Variants in IL13RA1 observed in about 807,000 individuals in gnomAD.
IL13RA1 encodes interleukin-13 receptor subunit alpha-1.
Under a neutral mutation model 33.8 loss-of-function variants are expected in IL13RA1, and 14 were observed. The ratio of observed to expected loss-of-function variants is 0.41; its 90% CI spans 0.27 to 0.65. IL13RA1 has a LOEUF of 0.65. Ranked by LOEUF, IL13RA1 falls within the 30% of genes least tolerant of loss-of-function variation. IL13RA1 has a pLI of 0.28. For synonymous variants in IL13RA1, 116 were observed against 115.7 expected (o/e 1.00, Z -0.02); for missense variants, 313 against 327.0 (o/e 0.96, Z 0.33).
At position 118,777,842 on chromosome X, in the gene IL13RA1, T is replaced by C. The variant is rs1473406331; in HGVS notation, c.1191+1331T>C. ...AAGACACTAAATGAAATAAATATTA[T>C]TATCATTGTGTATATCTTAAAGGAA... On this transcript the variant is annotated intron_variant, in intron 10 of 10. Transcript: ENST00000371666. 1.8e-5 allele frequency among the ~76,000 whole-genome samples: 2 copies of C among 111,952 alleles called. 1 individual carries two copies. The highest frequency in any genetic ancestry group is 7.4e-4 in the South Asian group (2 of 2,719).
At chrX:118,735,623 C>T (rs2017273037) in intron 1 of IL13RA1, among the ~76,000 whole-genome samples, 1 of 112,235 alleles carries the variant, frequency 8.9e-6, no homozygotes, top group African/African-American at 3.2e-5. Context: ...TCTCAGCTCA[C>T]TGCAACCTCT....
intron 8 of IL13RA1, among the ~76,000 whole-genome samples, chrX:118,767,618 G>A (rs2017664731): frequency 1.8e-5 from 2 of 111,450 alleles, no homozygotes; most frequent in Non-Finnish European, 3.8e-5. Flanking sequence ...CATGCTGGTT[G>A]GCAGAAACAA....
intron 3 of IL13RA1, among the ~76,000 whole-genome samples, chrX:118,749,297 G>GAT (rs1350511688): frequency 8.9e-6 from 1 of 112,211 alleles, no homozygotes; most frequent in African/African-American, 3.2e-5. Context: ...TTTTAAGACA[G>GAT]ATATATATAA....
intron 6 of IL13RA1, among the ~76,000 whole-genome samples, chrX:118,765,416 G>A (rs919192222): frequency 9.0e-6 from 1 of 111,544 alleles, no homozygotes; most frequent in African/African-American, 3.3e-5. Context: ...GGCCCAGAAT[G>A]TACTTTTTTG....
At chrX:118,776,971 A>T (rs770367280) in intron 10 of IL13RA1, among the ~76,000 whole-genome samples, 1 of 71,863 alleles carries the variant, frequency 1.4e-5, no homozygotes, top group South Asian at 9.3e-4. Flanking sequence ...AAAAAATAAA[A>T]TATATATGTG....
chrX:118,786,069 T>C (rs2017913604), intron 10 of IL13RA1, among the ~76,000 whole-genome samples: 1 of 112,021 alleles, frequency 8.9e-6, no homozygotes, highest in African/African-American at 3.2e-5. Flanking sequence ...TTTAATTCTG[T>C]AAGAGTATTA....
chrX:118,759,973 A>G (rs979747653), intron 5 of IL13RA1, among the ~76,000 whole-genome samples: 5 of 110,661 alleles, frequency 4.5e-5, no homozygotes, highest in Non-Finnish European at 9.4e-5. Flanking sequence ...GGGTTTTGCC[A>G]TGTTTCGCAG....
intron 10 of IL13RA1, among the ~76,000 whole-genome samples, chrX:118,789,763 C>T (rs1332911849): frequency 1.8e-5 from 2 of 110,440 alleles, no homozygotes; most frequent in African/African-American, 6.6e-5. Context: ...TATAGTTGTT[C>T]CTCTACATAT....
Position 118,728,930 on chromosome X carries a change from T to A in IL13RA1, c.88+1204T>A, listed in dbSNP as rs1185112034. Among the ~76,000 whole-genome samples, 4 of 111,901 alleles carry A rather than the reference T, an allele frequency of 3.6e-5. No homozygotes were observed. In the Admixed American group the frequency reaches 3.8e-4, roughly 11 times the overall value. On this transcript the variant is annotated intron_variant, in intron 1 of 10. Coordinates refer to ENST00000371666, the MANE Select transcript of IL13RA1 (RefSeq NM_001560.3). ...GGATCGAGAAGAAAACAAATGTTGC[T>A]GAAAGGTGGCATTTGAGTAGAGACC...
At chrX:118,733,418 G>A (rs1047941118) in intron 1 of IL13RA1, among the ~76,000 whole-genome samples, 3 of 111,382 alleles carry the variant, frequency 2.7e-5, no homozygotes, top group Non-Finnish European at 5.7e-5. Flanking sequence ...GTGCTTATTG[G>A]CTATTTCCTT....
chrX:118,738,571 C>T lies in IL13RA1; in HGVS notation c.89-2446C>T, dbSNP rs753583573. On this transcript the variant is annotated intron_variant, in intron 1 of 10. Coordinates refer to ENST00000371666, the MANE Select transcript of IL13RA1 (RefSeq NM_001560.3). ...CATGGTTTCATTCTTTTTATGGCTGCGTAGTATTCCATGGTATATATGTGC... is the reference window on the plus strand; with the variant it reads ...CATGGTTTCATTCTTTTTATGGCTGTGTAGTATTCCATGGTATATATGTGC... Among the ~76,000 whole-genome samples the T allele has an allele frequency of 6.2e-4, 69 of 111,605 alleles. 1 individual carries two copies. The highest frequency in any genetic ancestry group is 3.2e-3 in the Admixed American group (33 of 10,456).
Position 118,766,970 on chromosome X carries a change from A to C in IL13RA1, c.1003A>C (p.Ser335Arg). 1 of 1,096,028 alleles carries C rather than the reference A, an allele frequency of 9.1e-7. No individual in the cohort carries two copies. The highest frequency in any genetic ancestry group is 1.2e-6 in the Non-Finnish European group (1 of 805,527). The allele number at this position is 1,096,028 out of a possible 1,213,427, so 90.3% of individuals were successfully genotyped here. The change falls in exon 8 of 11, where the codon AGT (serine) becomes CGT (arginine). Residue 335 changes from serine (S) to arginine (R), a missense_variant. Ser to Arg is a moderately radical substitution (Grantham distance 110, BLOSUM62 -1). Transcript: ENST00000371666. The stretch of plus-strand genomic sequence containing the variant: ...CTGGAGTAATTGGAGCCAAGAAATG[A>C]GTATAGGTAAGAGAACAGAATTTTT... ...KLWSNWSQEM[S>R]IGKKRNSTLY...
At chrX:118,755,091 G>C (rs1221469475) in intron 4 of IL13RA1, among the ~76,000 whole-genome samples, 5 of 108,220 alleles carry the variant, frequency 4.6e-5, no homozygotes, top group Non-Finnish European at 7.7e-5. Flanking sequence ...TGGGATTACA[G>C]GCACGTGCCA....
chrX:118,773,510 A>G (rs765496354), intron 8 of IL13RA1, among the ~76,000 whole-genome samples: 2 of 111,945 alleles, frequency 1.8e-5, no homozygotes, highest in Non-Finnish European at 3.8e-5. Flanking sequence ...ACAAACAAAC[A>G]AAAGTTTAAA....
chrX:118,774,285 G>A (rs2017759315), intron 9 of IL13RA1, among the ~76,000 whole-genome samples: 1 of 108,456 alleles, frequency 9.2e-6, no homozygotes, highest in African/African-American at 3.4e-5. Flanking sequence ...GAGTAGCTGC[G>A]ATTACAGGTG....
At chrX:118,803,773 C>T in the IL13RA1 span, among the ~76,000 whole-genome samples, 1 of 110,824 alleles carries the variant, frequency 9.0e-6, no homozygotes, top group African/African-American at 3.3e-5. Flanking sequence ...CACAAAGTAG[C>T]TCTTTTTCCC....
intron 4 of IL13RA1, among the ~76,000 whole-genome samples, chrX:118,750,987 G>C (rs1603211430): frequency 9.1e-6 from 1 of 110,345 alleles, no homozygotes; most frequent in Admixed American, 9.8e-5. Flanking sequence ...TTGTATTTTT[G>C]GTAGAAACAG....
At chrX:118,749,061 A>ATG (rs756538153) in intron 3 of IL13RA1, among the ~76,000 whole-genome samples, 17 of 111,659 alleles carry the variant, frequency 1.5e-4, no homozygotes, top group Middle Eastern at 4.6e-3. Context: ...GACTAAAGAT[A>ATG]TGTGCCACCA....
At chrX:118,762,238 T>TTTTG (rs771409759) in intron 6 of IL13RA1, among the ~76,000 whole-genome samples, 2 of 111,918 alleles carry the variant, frequency 1.8e-5, no homozygotes, top group Admixed American at 9.4e-5. Context: ...CAAAGTCGTG[T>TTTTG]TTTGTTTGTT....
Sources: gnomAD v4.1 joint callset for allele counts (sites outside exome capture counted in the v4.1 genomes callset) on GRCh38, gnomAD v4.1.1 for gene constraint, MANE v1.5 for transcripts, NCBI Gene and HGNC (gene_info 2026-07-23, HGNC 2026-07-21) for gene names.